The following SND1 variants were observed in gnomAD, a reference collection of about 807,000 sequenced individuals.
SND1 encodes staphylococcal nuclease domain-containing protein 1.
SND1 carries 38 observed loss-of-function variants against 121.7 expected under a neutral mutation model. That is an observed-to-expected ratio of 0.31 (90% CI 0.24 to 0.41). SND1 has a LOEUF of 0.41. Ranked by LOEUF, SND1 falls within the 10% of genes least tolerant of loss-of-function variation. The pLI, the probability that SND1 is intolerant of heterozygous loss-of-function variation, is 1.00. For synonymous variants in SND1, 401 were observed against 447.4 expected (o/e 0.90, Z 1.31); for missense variants, 868 against 1,184.6 (o/e 0.73, Z 3.92).
chr7:127,700,799 T>A (rs1345158815), intron 4 of SND1, among the ~76,000 whole-genome samples: 1 of 152,168 alleles, frequency 6.6e-6, no homozygotes, highest in Non-Finnish European at 1.5e-5. Flanking sequence ...TACCGAGCTG[T>A]GCCTGGGATT....
At chr7:128,023,124 T>G (rs1803396023) in intron 16 of SND1, among the ~76,000 whole-genome samples, 1 of 152,208 alleles carries the variant, frequency 6.6e-6, no homozygotes, top group Non-Finnish European at 1.5e-5. Context: ...GCTTTCCTCC[T>G]TGACTGCATT....
At position 128,052,329 on chromosome 7, in the gene SND1, T is replaced by C. The variant is rs1192434128; in HGVS notation, c.1780-22173T>C. Among the ~76,000 whole-genome samples the C allele has an allele frequency of 6.6e-6, 1 of 152,216 alleles. No individual in the cohort carries two copies. Among genetic ancestry groups the C allele is most frequent in the African/African-American group, 2.4e-5 (1 of 41,456 alleles). On this transcript the variant is annotated intron_variant, in intron 16 of 23. Coordinates refer to ENST00000354725, the MANE Select transcript of SND1 (RefSeq NM_014390.4). The surrounding 1 kb of genome is among the most constrained non-coding windows in gnomAD (Gnocchi z 4.6). ...TAGCCTAATGCCCATCTCAGCTGTCTGGACAAGCTCCCATTCTGGCAGCTT... is the reference window on the plus strand; with the variant it reads ...TAGCCTAATGCCCATCTCAGCTGTCCGGACAAGCTCCCATTCTGGCAGCTT...
intron 11 of SND1, among the ~76,000 whole-genome samples, chr7:127,813,151 T>C (rs1163287097): frequency 6.6e-6 from 1 of 152,236 alleles, no homozygotes; most frequent in East Asian, 1.9e-4. Context: ...AGAGCTGTTT[T>C]GAATGACTTG....
At chr7:127,884,589 C>T (rs1044796593) in intron 12 of SND1, among the ~76,000 whole-genome samples, 3 of 152,030 alleles carry the variant, frequency 2.0e-5, no homozygotes, top group East Asian at 1.9e-4. Context: ...GGAACAGGCC[C>T]GTAGCTCAGA....
At chr7:128,064,125 C>A (rs1793275023) in intron 16 of SND1, among the ~76,000 whole-genome samples, 1 of 152,188 alleles carries the variant, frequency 6.6e-6, no homozygotes, top group Non-Finnish European at 1.5e-5. Context: ...AATCAGTTCA[C>A]TTCCTCTTCA....
chr7:127,963,966 T>C (rs1457843055), intron 15 of SND1, among the ~76,000 whole-genome samples: 2 of 148,168 alleles, frequency 1.3e-5, no homozygotes, highest in African/African-American at 2.5e-5. Context: ...TGAGATGATA[T>C]CTCATAGTGG....
intron 7 of SND1, among the ~76,000 whole-genome samples, chr7:127,704,601 A>G (rs1327714529): frequency 2.0e-5 from 3 of 152,192 alleles, no homozygotes; most frequent in Non-Finnish European, 1.5e-5. Flanking sequence ...TAAGTGAGTT[A>G]TTATGGTGGA....
Position 127,996,065 on chromosome 7 carries a change from C to T in SND1, c.1779+5009C>T, listed in dbSNP as rs145696248. On this transcript the variant is annotated intron_variant, in intron 16 of 23. Coordinates refer to ENST00000354725, the MANE Select transcript of SND1 (RefSeq NM_014390.4). ...CTGGCATTAAAAGGGAGGATGCCCC[C>T]GGGGAGCTCATTCTGCAGGCTGCAG... Among the ~76,000 whole-genome samples the T allele has an allele frequency of 2.8e-3, 432 of 151,920 alleles. 2 individuals carry two copies. Among genetic ancestry groups the T allele is most frequent in the African/African-American group, 9.7e-3 (402 of 41,442 alleles).
intron 13 of SND1, among the ~76,000 whole-genome samples, chr7:127,904,039 A>G (rs1800285816): frequency 6.6e-6 from 1 of 152,196 alleles, no homozygotes; most frequent in Non-Finnish European, 1.5e-5. Context: ...GTGGTCCTTC[A>G]TTGTTATACC....
chr7:128,030,089 C>G (rs1453846684), intron 16 of SND1: 4 of 1,613,696 alleles, frequency 2.5e-6, no homozygotes, highest in Non-Finnish European at 3.4e-6. Flanking sequence ...AGATATACTC[C>G]AGCTTCTTGA....
chr7:128,082,552 A>G (rs1793623037), intron 18 of SND1, among the ~76,000 whole-genome samples: 1 of 152,002 alleles, frequency 6.6e-6, no homozygotes, highest in African/African-American at 2.4e-5. Context: ...CGCAAGGGGG[A>G]GGGGTAGAGA....
rs911998916 is a variant in SND1, at chr7:128,052,552, C to T, written c.1780-21950C>T. 6.6e-6 allele frequency among the ~76,000 whole-genome samples: 1 copy of T among 152,252 alleles called. No homozygotes were observed. The highest frequency in any genetic ancestry group is 1.5e-5 in the Non-Finnish European group (1 of 68,042). On this transcript the variant is annotated intron_variant, in intron 16 of 23. Transcript: ENST00000354725. This position sits in a 1 kb window ranked among gnomAD's most constrained non-coding sequence, Gnocchi z 4.6. ...CCCCAGACAGAGCTGTCTTCCAAGT[C>T]ACGGATGTTGACGAGGCCTGTGTGT... is the stretch of plus-strand genomic sequence containing the variant.
chr7:127,885,685 C>A (rs989610199), intron 12 of SND1, among the ~76,000 whole-genome samples: 14 of 152,056 alleles, frequency 9.2e-5, no homozygotes, highest in Admixed American at 6.6e-4. Context: ...TGGGGTGGAT[C>A]ATTAAACATT....
At chr7:127,815,447 G>A (rs1798420806) in intron 11 of SND1, among the ~76,000 whole-genome samples, 1 of 152,030 alleles carries the variant, frequency 6.6e-6, no homozygotes, top group Non-Finnish European at 1.5e-5. Context: ...CCATGATCAT[G>A]CCACTGGACT....
intron 10 of SND1, among the ~76,000 whole-genome samples, chr7:127,724,057 T>C (rs936916663): frequency 2.0e-5 from 3 of 152,206 alleles, no homozygotes; most frequent in African/African-American, 7.2e-5. Context: ...TTTAGAAATT[T>C]GCATGAACAG....
chr7:127,920,400 A>G (rs1190326440), intron 14 of SND1, among the ~76,000 whole-genome samples: 2 of 152,192 alleles, frequency 1.3e-5, no homozygotes, highest in African/African-American at 4.8e-5. Context: ...CACCCTGCAG[A>G]GGTCGCAGGA....
Position 128,029,332 on chromosome 7 carries a change from C to A in SND1, c.1779+38276C>A, listed in dbSNP as rs776324571. 2 of 1,614,092 alleles carry A rather than the reference C, an allele frequency of 1.2e-6. No homozygotes were observed. Among genetic ancestry groups the A allele is most frequent in the South Asian group, 2.2e-5 (2 of 91,072 alleles). On this transcript the variant is annotated intron_variant, in intron 16 of 23. Coordinates refer to ENST00000354725, the MANE Select transcript of SND1 (RefSeq NM_014390.4). This position sits in a 1 kb window ranked among gnomAD's most constrained non-coding sequence, Gnocchi z 4.2. ...TCAGCCGTGCTCACATTGAGGTAGGCCGAGGCGTTGGAGTTGCCTGCAACA... is the reference window on the plus strand; with the variant it reads ...TCAGCCGTGCTCACATTGAGGTAGGACGAGGCGTTGGAGTTGCCTGCAACA...
At chr7:128,089,441 A>G (rs772334448) in intron 21 of SND1, 48 bp from the exon 22 acceptor site, 3 of 1,547,524 alleles carry the variant, frequency 1.9e-6, no homozygotes, top group South Asian at 2.4e-5. Context: ...CTGGGGCCCA[A>G]GTGGTTGTTC....
At chr7:127,691,269 G>A (rs143090312) in intron 2 of SND1, among the ~76,000 whole-genome samples, 262 of 152,190 alleles carry the variant, frequency 1.7e-3, no homozygotes, top group African/African-American at 5.9e-3. Flanking sequence ...GTGGCTGGGC[G>A]CAGTGGCTTA....
Sources: gnomAD v4.1 joint callset for allele counts (sites outside exome capture counted in the v4.1 genomes callset) on GRCh38, gnomAD v4.1.1 for gene constraint, Gnocchi (gnomAD v3.1) non-coding constraint, MANE v1.5 for transcripts, NCBI Gene and HGNC (gene_info 2026-07-23, HGNC 2026-07-21) for gene names.